CFHR5: variants seen among roughly 807,000 people sequenced by gnomAD.
CFHR5 encodes complement factor H related 5.
Under a neutral mutation model 62.9 loss-of-function variants are expected in CFHR5, and 73 were observed. That is an observed-to-expected ratio of 1.16 (90% CI 0.96 to 1.41). The LOEUF is 1.41. CFHR5 is among the 40% of genes most tolerant of loss of function. The pLI, the probability that CFHR5 is intolerant of heterozygous loss-of-function variation, is 0.00. For synonymous variants in CFHR5, 249 were observed against 227.2 expected, an observed-to-expected ratio of 1.10 and a Z score of -0.86; for missense variants, 779 against 679.9, an observed-to-expected ratio of 1.15 and a Z score of -1.62.
At chr1:197,002,902 T>C (rs1571527935) in intron 8 of CFHR5, among the ~76,000 whole-genome samples, 2 of 152,348 alleles carry the variant, frequency 1.3e-5, no homozygotes, top group South Asian at 2.1e-4. Context: ...TTTTCTATCA[T>C]ATTTTTACTG....
chr1:196,990,958 G>A (rs976424108), intron 3 of CFHR5, among the ~76,000 whole-genome samples: 1 of 151,990 alleles, frequency 6.6e-6, no homozygotes, highest in African/African-American at 2.4e-5. Context: ...CCTGAAGAGT[G>A]TTTTCCAACT....
intron 1 of CFHR5, among the ~76,000 whole-genome samples, chr1:196,979,720 A>G (rs2125025009): frequency 6.6e-6 from 1 of 152,086 alleles, no homozygotes; most frequent in South Asian, 2.1e-4. Flanking sequence ...AGCTAGGTAA[A>G]TTTATTTTAT....
chr1:197,006,554 A>G (rs1654294387), intron 9 of CFHR5, among the ~76,000 whole-genome samples: 3 of 151,790 alleles, frequency 2.0e-5, no homozygotes, highest in Non-Finnish European at 4.4e-5. Context: ...TCTACTAAAA[A>G]TACAAAATTA....
At chr1:196,982,301 G>A (rs1454037965) in intron 1 of CFHR5, among the ~76,000 whole-genome samples, 1 of 152,068 alleles carries the variant, frequency 6.6e-6, no homozygotes, top group Non-Finnish European at 1.5e-5. Flanking sequence ...TGTTGTGTGA[G>A]GATATTGTTC....
chr1:196,981,035 T>C (rs951836268), intron 1 of CFHR5, among the ~76,000 whole-genome samples: 1 of 152,130 alleles, frequency 6.6e-6, no homozygotes, highest in Non-Finnish European at 1.5e-5. Context: ...AGTTAGGTAA[T>C]AAATTTAAGG....
intron 6 of CFHR5, among the ~76,000 whole-genome samples, chr1:196,996,439 G>A (rs1174787396): frequency 6.6e-6 from 1 of 152,102 alleles, no homozygotes; most frequent in African/African-American, 2.4e-5. Flanking sequence ...TTTCTGGCAT[G>A]ATGAATGGAA....
intron 9 of CFHR5, 60 bp from the exon 10 acceptor site, chr1:197,008,427 C>T (rs1180307620): frequency 4.0e-6 from 4 of 987,868 alleles, no homozygotes; most frequent in Non-Finnish European, 5.7e-6. Flanking sequence ...TTTCACTATT[C>T]TATGAAAGGT....
chr1:196,996,296 T>G (rs1653989660), intron 6 of CFHR5, 95 bp downstream of exon 6: 1 of 937,000 alleles, frequency 1.1e-6, no homozygotes, highest in African/African-American at 1.6e-5. Flanking sequence ...ACAATTTTAT[T>G]GATACTGACT....
intron 7 of CFHR5, among the ~76,000 whole-genome samples, chr1:196,999,744 C>CAA (rs1654092845): frequency 7.7e-6 from 1 of 130,712 alleles, no homozygotes; most frequent in East Asian, 2.7e-4. Context: ...CATATATATA[C>CAA]ACACACATAT....
chr1:197,003,407 T>C (rs1345915304), intron 8 of CFHR5, among the ~76,000 whole-genome samples: 2 of 152,082 alleles, frequency 1.3e-5, no homozygotes, highest in African/African-American at 4.8e-5. Flanking sequence ...GTAGGCAACA[T>C]TATCTAGGTT....
In CFHR5 at chr1:197,005,751, AG is replaced by A. The variant is rs768161731; in HGVS notation, c.1513+911del. Among the ~76,000 whole-genome samples the A allele has an allele frequency of 6.8e-4, 103 of 152,276 alleles. 1 individual carries two copies. The highest frequency in any genetic ancestry group is 1.6e-4 in the Non-Finnish European group (11 of 68,024). On this transcript the variant is annotated intron_variant, in intron 9 of 9. Transcript: ENST00000256785. ...TTCTCACTGTTGCCCAATACCTCAC[AG>A]GGCTAGACCAGAAGTTTGTTATAGT...
At chr1:197,000,707 T>C (rs1654130975) in intron 7 of CFHR5, among the ~76,000 whole-genome samples, 1 of 152,162 alleles carries the variant, frequency 6.6e-6, no homozygotes, top group African/African-American at 2.4e-5. Context: ...GCACAGGCCT[T>C]GAGGCTCATT....
At chr1:196,981,787 A>G (rs914442487) in intron 1 of CFHR5, among the ~76,000 whole-genome samples, 2 of 151,972 alleles carry the variant, frequency 1.3e-5, no homozygotes, top group Admixed American at 6.6e-5. Flanking sequence ...CATATAATTT[A>G]AATCATCTCT....
intron 7 of CFHR5, 35 bp from the exon 8 acceptor site, chr1:197,002,447 T>G: frequency 6.4e-7 from 1 of 1,554,244 alleles, no homozygotes; most frequent in Non-Finnish European, 8.8e-7. Context: ...ACTTAACTTT[T>G]ATTAATCATA....
Position 197,008,623 on chromosome 1 carries a change from A to G in CFHR5, c.1650A>G (p.Ser550=). 1 of 1,613,646 alleles carries G rather than the reference A, an allele frequency of 6.2e-7. No individual in the cohort carries two copies. The highest frequency in any genetic ancestry group is 8.5e-7 in the Non-Finnish European group (1 of 1,179,594). ...QCKFPHKAMI[S]SPPFRAICQE... is the part of the protein sequence containing the mutation. ...AATTCCCACATAAAGCGATGATATCATCACCACCATTTCGAGCAATCTGTC... is the reference window on the plus strand; with the variant it reads ...AATTCCCACATAAAGCGATGATATCGTCACCACCATTTCGAGCAATCTGTC... The change falls in exon 10 of 10, where the codon TCA becomes TCG. Residue 550 remains serine, a synonymous_variant. Coordinates refer to ENST00000256785, the MANE Select transcript of CFHR5 (RefSeq NM_030787.4).
rs1654349642 is a variant in CFHR5 at position 197,008,497 on chromosome 1, G to A, written c.1524G>A (p.Val508=). 6 of 1,591,030 alleles carry A rather than the reference G, an allele frequency of 3.8e-6. No homozygotes were observed. Among genetic ancestry groups the A allele is most frequent in the Admixed American group, 1.7e-5 (1 of 59,458 alleles). The change falls in exon 10 of 10, where the codon GTG becomes GTA. Residue 508 remains valine (V), a synonymous_variant. Transcript: ENST00000256785. ...SEPPRCLDPC[V]VSEENMNKNN... ...CATTTCTTCTTTCAGATCCATGTGT[G>A]GTATCTGAAGAAAACATGAACAAAA...
At chr1:197,004,287 T>C (rs751715111) in intron 8 of CFHR5, among the ~76,000 whole-genome samples, 19 of 152,160 alleles carry the variant, frequency 1.2e-4, no homozygotes, top group Non-Finnish European at 1.3e-4. Flanking sequence ...TATGATCATA[T>C]ACTAGTTGGT....
rs1442878863 is a variant in CFHR5 at position 196,984,070 on chromosome 1, A to C, written c.363A>C (p.Gln121His). The C allele has an allele frequency of 6.2e-7, 1 of 1,613,866 alleles. No homozygotes were observed. Among genetic ancestry groups the C allele is most frequent in the Admixed American group, 1.7e-5 (1 of 59,992 alleles). The change falls in exon 3 of 10, where the codon CAA (glutamine) becomes CAC (histidine). Residue 121 changes from glutamine (Q) to histidine (H), a missense_variant. Coordinates refer to ENST00000256785, the MANE Select transcript of CFHR5 (RefSeq NM_030787.4). The stretch of plus-strand genomic sequence containing the variant: ...TTTGCAACACAGGATACAGCCTTCA[A>C]AACAATGAGAAAAACATTTCGTGTG... ...QIICNTGYSLQNNEKNISCVE... is the reference protein window; with the variant it reads ...QIICNTGYSLHNNEKNISCVE...
intron 9 of CFHR5, among the ~76,000 whole-genome samples, chr1:197,005,055 T>C (rs1654252310): frequency 6.6e-6 from 1 of 152,182 alleles, no homozygotes; most frequent in African/African-American, 2.4e-5. Context: ...TTTAAAGACC[T>C]ACATGTGATA....
Sources: allele counts gnomAD v4.1 joint callset (sites outside exome capture counted in the v4.1 genomes callset), GRCh38; gene constraint gnomAD v4.1.1; transcripts MANE v1.5; gene names NCBI Gene and HGNC (gene_info 2026-07-23, HGNC 2026-07-21).